Variants in ACSS1 observed in about 807,000 individuals in gnomAD.
The protein encoded by ACSS1 is acetyl-coenzyme A synthetase 2-like, mitochondrial.
ACSS1 carries 42 observed loss-of-function variants against 75.3 expected under a neutral mutation model. The ratio of observed to expected loss-of-function variants is 0.56; its 90% CI spans 0.44 to 0.72. The LOEUF is 0.72. Among genes scored for constraint, ACSS1 ranks in the 30% least tolerant of loss-of-function variants. The probability of loss-of-function intolerance (pLI) is 0.00; values close to 1 mark genes in which losing one functional copy is unlikely to be tolerated. For missense variants in ACSS1, 782 were observed against 935.7 expected (o/e 0.84, Z 2.14); for synonymous variants, 380 against 376.8 (o/e 1.01, Z -0.10).
At chr20:25,023,369 C>T in intron 4 of ACSS1, 97 bp downstream of exon 4, 1 of 1,471,552 alleles carries the variant, frequency 6.8e-7, no homozygotes, top group Non-Finnish European at 9.3e-7. Flanking sequence ...CTGGGCACCT[C>T]TAGGGAACCC....
intron 7 of ACSS1, among the ~76,000 whole-genome samples, chr20:25,016,113 G>A (rs1320869828): frequency 1.3e-5 from 2 of 152,170 alleles, no homozygotes; most frequent in African/African-American, 4.8e-5. Flanking sequence ...AAAGAAGATG[G>A]CGAACCTCCA....
intron 1 of ACSS1, among the ~76,000 whole-genome samples, chr20:25,057,474 C>A (rs1428295725): frequency 1.3e-5 from 2 of 152,204 alleles, no homozygotes; most frequent in East Asian, 3.9e-4. Flanking sequence ...CTCTGGAGTC[C>A]GCCGAGCGAG....
At chr20:25,015,062 G>C in intron 8 of ACSS1, 76 bp downstream of exon 8, 2 of 1,321,966 alleles carry the variant, frequency 1.5e-6, no homozygotes, top group South Asian at 2.7e-5. Context: ...TGAGAGCTTG[G>C]ACCCCAGTCC....
chr20:25,054,219 G>A (rs1215136519), intron 1 of ACSS1, among the ~76,000 whole-genome samples: 1 of 152,208 alleles, frequency 6.6e-6, no homozygotes, highest in Non-Finnish European at 1.5e-5. Context: ...CCACCTGCAT[G>A]CTCTCCGAAG....
intron 2 of ACSS1, chr20:25,032,347 C>T: frequency 7.5e-7 from 1 of 1,331,096 alleles, no homozygotes; most frequent in Non-Finnish European, 9.6e-7. Context: ...AAACTGGGAG[C>T]AGGCGAGAGC....
intron 2 of ACSS1, among the ~76,000 whole-genome samples, chr20:25,047,488 C>T (rs897980528): frequency 4.6e-5 from 7 of 152,192 alleles, no homozygotes; most frequent in Non-Finnish European, 8.8e-5. Flanking sequence ...CATACTGACA[C>T]GAAGGCACCC....
intron 2 of ACSS1, among the ~76,000 whole-genome samples, chr20:25,033,124 C>G (rs1241265689): frequency 6.7e-6 from 1 of 150,120 alleles, no homozygotes; most frequent in African/African-American, 2.5e-5. Context: ...GGCCTGTGAC[C>G]GGCTGAAGAG....
At chr20:25,046,862 G>T in intron 2 of ACSS1, 2 of 779,734 alleles carry the variant, frequency 2.6e-6, no homozygotes, top group Non-Finnish European at 4.8e-6. Flanking sequence ...CACGGCATCT[G>T]CAACCAGGGA....
At chr20:25,029,078 T>C (rs542779191) in intron 3 of ACSS1, among the ~76,000 whole-genome samples, 14 of 152,296 alleles carry the variant, frequency 9.2e-5, no homozygotes, top group African/African-American at 3.1e-4. Context: ...AGTTTACTAC[T>C]GAGAAAGTGA....
intron 6 of ACSS1, 38 bp from the exon 7 acceptor site, chr20:25,020,185 TG>T: frequency 6.2e-7 from 1 of 1,612,838 alleles, no homozygotes; most frequent in Middle Eastern, 1.7e-4. Flanking sequence ...GCAGGAGAGC[TG>T]ACATGGTTTA....
At chr20:25,040,965 A>C (rs920574250) in intron 2 of ACSS1, among the ~76,000 whole-genome samples, 6 of 152,192 alleles carry the variant, frequency 3.9e-5, no homozygotes, top group African/African-American at 1.4e-4. Context: ...GCTAATAAAA[A>C]CCTGTTAATT....
At chr20:25,046,885 A>G (rs1341703418) in intron 2 of ACSS1, 2 of 779,672 alleles carry the variant, frequency 2.6e-6, no homozygotes, top group Admixed American at 3.4e-5. Flanking sequence ...AGAGATAAGA[A>G]ATGCGTGCTG....
intron 1 of ACSS1, among the ~76,000 whole-genome samples, chr20:25,049,064 G>A (rs1484284925): frequency 6.6e-6 from 1 of 152,204 alleles, no homozygotes; most frequent in Non-Finnish European, 1.5e-5. Context: ...CACCCCTGTA[G>A]CCTGTTTGTA....
chr20:25,032,138 C>T (rs1385603823), intron 2 of ACSS1, among the ~76,000 whole-genome samples: 4 of 152,196 alleles, frequency 2.6e-5, no homozygotes, highest in South Asian at 2.1e-4. Context: ...AGCAGCACCC[C>T]CGCCCAGCCC....
intron 2 of ACSS1, among the ~76,000 whole-genome samples, chr20:25,044,756 C>T (rs2089058748): frequency 6.6e-6 from 1 of 152,274 alleles, no homozygotes; most frequent in Admixed American, 6.5e-5. Flanking sequence ...CTGGCAGGCA[C>T]TGTCCTGCTC....
intron 7 of ACSS1, among the ~76,000 whole-genome samples, chr20:25,017,636 G>A (rs2088542227): frequency 6.6e-6 from 1 of 152,244 alleles, no homozygotes; most frequent in African/African-American, 2.4e-5. Flanking sequence ...ACCCAGCTGA[G>A]CCTCTGCTGG....
chr20:25,007,786 C>T lies in ACSS1; in HGVS notation c.2046G>A (p.Lys682=), dbSNP rs768080151. 4 of 1,614,170 alleles carry T rather than the reference C, an allele frequency of 2.5e-6. No homozygotes were observed. Among genetic ancestry groups the T allele is most frequent in the Admixed American group, 3.3e-5 (2 of 60,022 alleles). The part of the protein sequence containing the change: ...AEILSVYQKC[K]DKQAAAK ...CTCACTTAGCAGCAGCCTGCTTGTC[C>T]TTGCACTTCTGGTAGACACTCAGGA... Residue 682 remains lysine (K), a synonymous_variant, in exon 14 of 14, where the codon AAG becomes AAA. Coordinates refer to ENST00000323482, the MANE Select transcript of ACSS1 (RefSeq NM_032501.4).
In ACSS1 at chr20:25,015,223, C is replaced by T. The variant is rs2088495581; in HGVS notation, c.1254G>A (p.Glu418=). The T allele has an allele frequency of 6.2e-7, 1 of 1,608,644 alleles. No homozygotes were observed. Among genetic ancestry groups the T allele is most frequent in the Non-Finnish European group, 8.5e-7 (1 of 1,175,810 alleles). ...SSLRTLGSVG[E]PINCEAWEWL... Reference sequence around the variant, plus strand: ...ACTCCCAGGCCTCACAGTTGATGGGCTCTCCCACTGAAACCACACAGAAAG... The same window carrying T: ...ACTCCCAGGCCTCACAGTTGATGGGTTCTCCCACTGAAACCACACAGAAAG... The change falls in exon 8 of 14, where the codon GAG becomes GAA. Residue 418 remains glutamate, a synonymous_variant. Coordinates refer to ENST00000323482, the MANE Select transcript of ACSS1 (RefSeq NM_032501.4).
chr20:25,030,864 G>A lies in ACSS1; in HGVS notation c.526C>T (p.Pro176Ser), dbSNP rs778112595. The part of the protein sequence containing the change: ...DRVAIYMPVS[P>S]LAVAAMLACA... Reference sequence around the variant, plus strand: ...GCCAGCATTGCTGCCACAGCCAATGGGGACACGGGCATGTAGATGGCAACA... The same window carrying A: ...GCCAGCATTGCTGCCACAGCCAATGAGGACACGGGCATGTAGATGGCAACA... Residue 176 changes from proline to serine, a missense_variant, in exon 3 of 14, where the codon CCA (proline) becomes TCA (serine). Physicochemically the swap from Pro to Ser is moderately conservative, Grantham distance 74. Transcript: ENST00000323482. 15 of 1,614,116 alleles carry A rather than the reference G, an allele frequency of 9.3e-6. No homozygotes were observed. Among genetic ancestry groups the A allele is most frequent in the Non-Finnish European group, 1.1e-5 (13 of 1,180,054 alleles).
Sources: allele counts gnomAD v4.1 joint callset (sites outside exome capture counted in the v4.1 genomes callset), GRCh38; gene constraint gnomAD v4.1.1; transcripts MANE v1.5; gene names NCBI Gene and HGNC (gene_info 2026-07-23, HGNC 2026-07-21).